The following ADAMTS6 variants were observed in gnomAD, a reference collection of about 807,000 sequenced individuals.
The protein encoded by ADAMTS6 is A disintegrin and metalloproteinase with thrombospondin motifs 6.
Under a neutral mutation model 144.3 loss-of-function variants are expected in ADAMTS6, and 23 were observed. That is an observed-to-expected ratio of 0.16 (90% CI 0.11 to 0.23). ADAMTS6 has a LOEUF of 0.23. ADAMTS6 is among the 10% of genes least tolerant of loss of function. The pLI is 1.00. For missense variants in ADAMTS6, 999 were observed against 1,379.6 expected (o/e 0.72, Z 4.37); for synonymous variants, 444 against 457.5 (o/e 0.97, Z 0.38).
At chr5:65,346,800 A>G (rs1327718685) in intron 7 of ADAMTS6, among the ~76,000 whole-genome samples, 1 of 151,834 alleles carries the variant, frequency 6.6e-6, no homozygotes, top group African/African-American at 2.4e-5. Context: ...TAAATACAGA[A>G]ATAGACTCTA....
chr5:65,164,148 C>T (rs1233352367), intron 24 of ADAMTS6, among the ~76,000 whole-genome samples: 1 of 151,950 alleles, frequency 6.6e-6, no homozygotes, highest in Non-Finnish European at 1.5e-5. Flanking sequence ...GAGTGCCAGA[C>T]AGTGGGCGCA....
chr5:65,294,064 T>C (rs958039885), intron 10 of ADAMTS6, among the ~76,000 whole-genome samples: 4 of 152,140 alleles, frequency 2.6e-5, no homozygotes, highest in Non-Finnish European at 5.9e-5. Flanking sequence ...GTAAAGCAAA[T>C]GTGGGGATGT....
At chr5:65,394,705 C>A (rs1753198174) in intron 7 of ADAMTS6, among the ~76,000 whole-genome samples, 1 of 151,978 alleles carries the variant, frequency 6.6e-6, no homozygotes, top group Admixed American at 6.6e-5. Context: ...AATATAAAAT[C>A]CAAAGGAAAA....
chr5:65,161,165 A>C (rs969633038), intron 24 of ADAMTS6, among the ~76,000 whole-genome samples: 1 of 151,980 alleles, frequency 6.6e-6, no homozygotes, highest in African/African-American at 2.4e-5. Flanking sequence ...AAGCCTCCCA[A>C]GTAGCTGGAC....
intron 10 of ADAMTS6, among the ~76,000 whole-genome samples, chr5:65,294,019 C>A (rs975487168): frequency 6.6e-6 from 1 of 152,124 alleles, no homozygotes; most frequent in African/African-American, 2.4e-5. Context: ...TATATTTGTA[C>A]AAATTAGCAA....
intron 7 of ADAMTS6, among the ~76,000 whole-genome samples, chr5:65,358,267 T>C (rs1749521797): frequency 6.6e-6 from 1 of 151,828 alleles, no homozygotes; most frequent in Non-Finnish European, 1.5e-5. Context: ...AAATCAACAA[T>C]CTTTCTTGGT....
At chr5:65,313,553 T>G (rs1333989342) in intron 9 of ADAMTS6, among the ~76,000 whole-genome samples, 1 of 152,056 alleles carries the variant, frequency 6.6e-6, no homozygotes, top group Admixed American at 6.6e-5. Flanking sequence ...GGAGTACTAC[T>G]TTAATAATAA....
Position 65,215,478 on chromosome 5 carries a change from G to A in ADAMTS6, c.2282C>T (p.Ser761Phe). 6.2e-7 allele frequency: 1 copy of A among 1,600,668 alleles called. No individual in the cohort carries two copies. The highest frequency in any genetic ancestry group is 8.5e-7 in the Non-Finnish European group (1 of 1,176,082). Residue 761 changes from serine (S) to phenylalanine (F), a missense_variant, in exon 19 of 25, where the codon TCT (serine) becomes TTT (phenylalanine). This residue lies in a region of ADAMTS6 where 619 missense variants were observed against 837.0 expected (regional missense o/e 0.74). Coordinates refer to ENST00000381055, the MANE Select transcript of ADAMTS6 (RefSeq NM_197941.4). ...AMSKNYIALK[S>F]EGDDYYINGA... ...ATTAATATAGTAATCATCTCCTTCA[G>A]ATTTTAAAGCTAGAAAACAAATCAC...
chr5:65,192,325 C>T (rs67054803), intron 21 of ADAMTS6, among the ~76,000 whole-genome samples: 27,543 of 151,864 alleles, frequency 0.18, 2,606 homozygotes, highest in Middle Eastern at 0.24. Context: ...GAAAGAGAAC[C>T]ATTTCTCCCA....
intron 7 of ADAMTS6, among the ~76,000 whole-genome samples, chr5:65,367,802 G>A (rs565365703): frequency 4.6e-5 from 7 of 151,682 alleles, no homozygotes; most frequent in Non-Finnish European, 1.0e-4. Context: ...GTTTCCTGGG[G>A]AACAAACTGG....
intron 7 of ADAMTS6, among the ~76,000 whole-genome samples, chr5:65,376,158 G>T (rs1751517340): frequency 6.6e-6 from 1 of 152,078 alleles, no homozygotes; most frequent in African/African-American, 2.4e-5. Context: ...TGTACCTAAT[G>T]CTAGATGACG....
intron 22 of ADAMTS6, among the ~76,000 whole-genome samples, chr5:65,176,537 G>C (rs1192772820): frequency 6.6e-6 from 1 of 152,128 alleles, no homozygotes; most frequent in Non-Finnish European, 1.5e-5. Flanking sequence ...AAACATATTG[G>C]CTAAAGTTAA....
At chr5:65,420,608 C>G (rs1010758498) in intron 7 of ADAMTS6, among the ~76,000 whole-genome samples, 1 of 152,054 alleles carries the variant, frequency 6.6e-6, no homozygotes, top group African/African-American at 2.4e-5. Flanking sequence ...CTGAAACTCC[C>G]AACCTCAGGT....
intron 20 of ADAMTS6, among the ~76,000 whole-genome samples, chr5:65,209,033 T>C (rs1443256181): frequency 6.6e-6 from 1 of 152,238 alleles, no homozygotes; most frequent in Non-Finnish European, 1.5e-5. Flanking sequence ...TGATGTGTGC[T>C]TAAATTTGAG....
At chr5:65,427,645 A>G (rs563790481) in intron 7 of ADAMTS6, among the ~76,000 whole-genome samples, 1 of 152,176 alleles carries the variant, frequency 6.6e-6, no homozygotes, top group South Asian at 2.1e-4. Flanking sequence ...AAAAATACAA[A>G]AAATAAGCCG....
At chr5:65,318,456 G>C (rs1454896280) in intron 9 of ADAMTS6, among the ~76,000 whole-genome samples, 2 of 152,134 alleles carry the variant, frequency 1.3e-5, no homozygotes, top group Admixed American at 6.5e-5. Flanking sequence ...ACTATCCACA[G>C]TAGCCAGTTT....
chr5:65,301,942 A>G (rs1481702332), intron 9 of ADAMTS6, among the ~76,000 whole-genome samples: 4 of 151,412 alleles, frequency 2.6e-5, no homozygotes, highest in South Asian at 2.1e-4. Context: ...TACAGAAAAA[A>G]TTAGCCGGGG....
intron 9 of ADAMTS6, among the ~76,000 whole-genome samples, chr5:65,322,076 T>C (rs1404506331): frequency 6.6e-6 from 1 of 152,154 alleles, no homozygotes; most frequent in Non-Finnish European, 1.5e-5. Context: ...GTTTCAATCT[T>C]CTACATATAT....
At chr5:65,175,118 C>G (rs1039224944) in intron 22 of ADAMTS6, among the ~76,000 whole-genome samples, 29 of 152,020 alleles carry the variant, frequency 1.9e-4, no homozygotes, top group African/African-American at 6.8e-4. Flanking sequence ...CCCACACCCC[C>G]CTCACCAGTG....
Sources: allele counts gnomAD v4.1 joint callset (sites outside exome capture counted in the v4.1 genomes callset), GRCh38; gene constraint gnomAD v4.1.1; regional missense constraint gnomAD v4.1.1; transcripts MANE v1.5; gene names NCBI Gene and HGNC (gene_info 2026-07-23, HGNC 2026-07-21).